Variants in BOLL observed in about 807,000 individuals in gnomAD.
The protein encoded by BOLL is boule RNA binding protein.
Under a neutral mutation model 44.4 loss-of-function variants are expected in BOLL, and 23 were observed. The observed-to-expected ratio is 0.52, with a 90% CI of 0.37 to 0.73. The LOEUF (loss-of-function observed/expected upper bound fraction) is 0.73. Among genes scored for constraint, BOLL ranks in the 30% least tolerant of loss-of-function variants. The probability of loss-of-function intolerance (pLI) is 0.00; values close to 1 mark genes in which losing one functional copy is unlikely to be tolerated. For synonymous variants in BOLL, 97 were observed against 110.8 expected (o/e 0.88, Z 0.78); for missense variants, 287 against 338.3 (o/e 0.85, Z 1.19).
intron 9 of BOLL, 105 bp from the exon 10 acceptor site, chr2:197,743,264 C>A: frequency 1.5e-6 from 1 of 687,016 alleles, no homozygotes; most frequent in East Asian, 3.3e-5. Flanking sequence ...AATGTAGAAA[C>A]AGTTAAAAAC....
Position 197,729,198 on chromosome 2 carries a change from C to T in BOLL, c.829-620G>A, listed in dbSNP as rs149313222. Among the ~76,000 whole-genome samples the T allele has an allele frequency of 5.9e-5, 9 of 152,272 alleles. No individual in the cohort carries two copies. In the East Asian group the frequency reaches 1.7e-3, roughly 29 times the overall value. ...GGGTCAGGGAGTTCCCTTTCTGAGT[C>T]AAAGAAAGGGGTGATGGACGGCACC... On this transcript the variant is annotated intron_variant, in intron 10 of 10. Coordinates refer to ENST00000392296, the MANE Select transcript of BOLL (RefSeq NM_033030.6).
rs1294825323 is a variant in BOLL, at chr2:197,729,849, C to A, written c.829-1271G>T. Among the ~76,000 whole-genome samples the A allele has an allele frequency of 4.0e-5, 6 of 151,678 alleles. No individual in the cohort carries two copies. In the East Asian group the frequency reaches 1.2e-3, roughly 29 times the overall value. ...ATCAAAGACCAAAAGTAGATAAAAC[C>A]ACAAAGATGGGGAAAAAACAGAACA... On this transcript the variant is annotated intron_variant, in intron 10 of 10. Transcript: ENST00000392296.
rs759448578 is a variant in BOLL at position 197,778,938 on chromosome 2, G to A, written c.221+37C>T. 1.7e-4 allele frequency: 268 copies of A among 1,536,898 alleles called. 1 individual carries two copies. Among genetic ancestry groups the A allele is most frequent in the Middle Eastern group, 6.8e-4 (4 of 5,842 alleles). ...AACCTAGTCATCCAATGAAAATAGA[G>A]TTGCTAATTCCATAGACAATCTATA... is the stretch of plus-strand genomic sequence containing the variant. On this transcript the variant is annotated intron_variant, in intron 3 of 10. Coordinates refer to ENST00000392296, the MANE Select transcript of BOLL (RefSeq NM_033030.6).
At chr2:197,784,901 A>T (rs1240322065) in intron 1 of BOLL, 155 bp downstream of exon 1, 2 of 987,042 alleles carry the variant, frequency 2.0e-6, no homozygotes, top group African/African-American at 3.5e-5. Context: ...GCCGGGTTTG[A>T]AGGCTCCTCC....
chr2:197,784,281 A>G lies in BOLL; in HGVS notation c.-16+775T>C, dbSNP rs572546477. Among the ~76,000 whole-genome samples the G allele has an allele frequency of 4.0e-5, 6 of 151,310 alleles. No homozygotes were observed. The South Asian group carries it at 1.3e-3, about 32-fold the overall frequency. On this transcript the variant is annotated intron_variant, in intron 1 of 10. Coordinates refer to ENST00000392296, the MANE Select transcript of BOLL (RefSeq NM_033030.6). ...ACTGACAGTACACAGCAGGTGCTCA[A>G]TAAATATCTGTTGAATGACTAAAAG...
At chr2:197,756,663 AT>A (rs899006084) in intron 8 of BOLL, 107 bp from the exon 9 acceptor site, 951 of 1,144,554 alleles carry the variant, frequency 8.3e-4, no homozygotes, top group South Asian at 1.4e-3. Context: ...ATTTTACTAA[AT>A]TTTTTTTTAG....
intron 5 of BOLL, among the ~76,000 whole-genome samples, chr2:197,772,602 G>T (rs1689317345): frequency 6.6e-6 from 1 of 151,818 alleles, no homozygotes; most frequent in Admixed American, 6.6e-5. Context: ...TGCTGCTGTT[G>T]CAAACATGAC....
At chr2:197,737,202 C>T (rs1365654698) in intron 10 of BOLL, among the ~76,000 whole-genome samples, 2 of 152,112 alleles carry the variant, frequency 1.3e-5, no homozygotes, top group Non-Finnish European at 2.9e-5. Context: ...TACATATATA[C>T]ATATTTATAC....
chr2:197,737,969 A>G (rs568678066), intron 10 of BOLL, among the ~76,000 whole-genome samples: 122 of 152,292 alleles, frequency 8.0e-4, no homozygotes, highest in African/African-American at 2.8e-3. Flanking sequence ...CATGGGAGTT[A>G]AATAAAATAC....
intron 10 of BOLL, 82 bp downstream of exon 10, chr2:197,742,979 G>T: frequency 9.4e-7 from 1 of 1,059,146 alleles, no homozygotes. Context: ...ATCCAAAATT[G>T]TTCCTTTCTA....
At chr2:197,785,915 G>A (rs1307272759), upstream of BOLL, 1 of 1,339,340 alleles carries the variant, frequency 7.5e-7, no homozygotes, top group Non-Finnish European at 1.1e-6. The surrounding 1 kb of genome is among the most constrained non-coding windows in gnomAD (Gnocchi z 6.7). Flanking sequence ...CAAGCCCTCA[G>A]GGACAGGCTC....
At chr2:197,760,586 C>T (rs566189914) in intron 7 of BOLL, among the ~76,000 whole-genome samples, 1 of 152,314 alleles carries the variant, frequency 6.6e-6, no homozygotes, top group Admixed American at 6.5e-5. Context: ...ATGTACACAG[C>T]CCTGACCTGA....
At chr2:197,754,750 A>AC (rs1688431675) in intron 9 of BOLL, among the ~76,000 whole-genome samples, 1 of 149,968 alleles carries the variant, frequency 6.7e-6, no homozygotes, top group Admixed American at 6.7e-5. Flanking sequence ...AAAACCCCAA[A>AC]ACACACACAC....
At chr2:197,750,935 A>G (rs1223157667) in intron 9 of BOLL, among the ~76,000 whole-genome samples, 1 of 152,256 alleles carries the variant, frequency 6.6e-6, no homozygotes, top group Non-Finnish European at 1.5e-5. Context: ...AACAGAAATC[A>G]TAACAAACAG....
chr2:197,769,576 T>C (rs1279000627), intron 6 of BOLL, among the ~76,000 whole-genome samples: 1 of 152,180 alleles, frequency 6.6e-6, no homozygotes, highest in Non-Finnish European at 1.5e-5. Context: ...TCTTTGCAGA[T>C]GACATGATTG....
intron 6 of BOLL, among the ~76,000 whole-genome samples, chr2:197,768,376 A>T (rs1307005436): frequency 6.6e-6 from 1 of 152,012 alleles, no homozygotes; most frequent in East Asian, 1.9e-4. Context: ...AACAAACTGA[A>T]TTAAAAAATT....
At chr2:197,785,542 G>T (rs937053527), upstream of BOLL, among the ~76,000 whole-genome samples, 3 of 152,170 alleles carry the variant, frequency 2.0e-5, no homozygotes, top group Admixed American at 6.5e-5. This position sits in a 1 kb window ranked among gnomAD's most constrained non-coding sequence, Gnocchi z 6.7. Context: ...TCCGGTCCTC[G>T]CTGACCAGTC....
chr2:197,764,418 A>C (rs1433381028), intron 7 of BOLL, among the ~76,000 whole-genome samples: 1 of 152,256 alleles, frequency 6.6e-6, no homozygotes, highest in Non-Finnish European at 1.5e-5. Context: ...CATTACGTTA[A>C]ATGAAATAAG....
chr2:197,729,934 T>C (rs1687073643), intron 10 of BOLL, among the ~76,000 whole-genome samples: 1 of 152,066 alleles, frequency 6.6e-6, no homozygotes, highest in African/African-American at 2.4e-5. Context: ...ACGCAGTTCC[T>C]CACCAGCAAC....
Sources: allele counts gnomAD v4.1 joint callset (sites outside exome capture counted in the v4.1 genomes callset), GRCh38; gene constraint gnomAD v4.1.1; non-coding constraint Gnocchi (gnomAD v3.1); transcripts MANE v1.5; gene names NCBI Gene and HGNC (gene_info 2026-07-23, HGNC 2026-07-21).